LSAMP: variants seen among roughly 807,000 people sequenced by gnomAD.
LSAMP encodes limbic system associated membrane protein, also known as limbic system-associated membrane protein.
A neutral mutation model predicts 38.6 loss-of-function variants in LSAMP; 7 were observed. The ratio of observed to expected loss-of-function variants is 0.18; its 90% CI spans 0.10 to 0.34. The LOEUF (loss-of-function observed/expected upper bound fraction) is 0.34. Among genes scored for constraint, LSAMP ranks in the 10% least tolerant of loss-of-function variants. LSAMP has a pLI of 1.00. For missense variants in LSAMP, 313 were observed against 420.0 expected, an observed-to-expected ratio of 0.75 and a Z score of 2.23; for synonymous variants, 154 against 166.8, an observed-to-expected ratio of 0.92 and a Z score of 0.59.
chr3:116,272,483 C>T (rs2046987411), intron 1 of LSAMP, among the ~76,000 whole-genome samples: 1 of 152,114 alleles, frequency 6.6e-6, no homozygotes, highest in African/African-American at 2.4e-5. Flanking sequence ...AATACAACTA[C>T]TCAAATTGGT....
chr3:115,937,738 T>C (rs985069434), intron 3 of LSAMP, among the ~76,000 whole-genome samples: 11 of 152,224 alleles, frequency 7.2e-5, no homozygotes, highest in African/African-American at 2.4e-4. Context: ...ACAAACATAC[T>C]ATTCCTTTGT....
At chr3:115,815,564 A>T (rs1933991759) in intron 6 of LSAMP, among the ~76,000 whole-genome samples, 1 of 152,242 alleles carries the variant, frequency 6.6e-6, no homozygotes, top group Non-Finnish European at 1.5e-5. Flanking sequence ...ATTTTGGCAT[A>T]CAAGTTTTTA....
intron 3 of LSAMP, among the ~76,000 whole-genome samples, chr3:115,919,383 C>T (rs1232595099): frequency 6.6e-6 from 1 of 152,128 alleles, no homozygotes; most frequent in African/African-American, 2.4e-5. Flanking sequence ...CTTAATCATA[C>T]CAGCTGAGAA....
intron 3 of LSAMP, among the ~76,000 whole-genome samples, chr3:115,869,540 T>G (rs931174782): frequency 1.3e-5 from 2 of 152,116 alleles, no homozygotes; most frequent in African/African-American, 4.8e-5. Context: ...AACAATTAAT[T>G]AGTAATAAAT....
intron 1 of LSAMP, among the ~76,000 whole-genome samples, chr3:116,432,523 A>C (rs1361999395): frequency 2.0e-5 from 3 of 151,726 alleles, no homozygotes; most frequent in Non-Finnish European, 2.9e-5. Flanking sequence ...ATGTAAACAT[A>C]TTTTTAAAGT....
chr3:115,955,916 C>A (rs1938439555), intron 3 of LSAMP, among the ~76,000 whole-genome samples: 1 of 152,052 alleles, frequency 6.6e-6, no homozygotes, highest in Non-Finnish European at 1.5e-5. Context: ...TATGAATAAA[C>A]TCCCAAAGCC....
At chr3:116,192,077 T>C (rs958808410) in intron 1 of LSAMP, among the ~76,000 whole-genome samples, 1 of 152,232 alleles carries the variant, frequency 6.6e-6, no homozygotes, top group African/African-American at 2.4e-5. Context: ...AAATATTCTA[T>C]TACAGCAATG....
intron 2 of LSAMP, among the ~76,000 whole-genome samples, chr3:116,063,332 C>T (rs1559728053): frequency 1.3e-5 from 2 of 152,134 alleles, no homozygotes; most frequent in Non-Finnish European, 2.9e-5. Flanking sequence ...CTTGTTGGTA[C>T]ACCCTGAAGA....
intron 1 of LSAMP, among the ~76,000 whole-genome samples, chr3:116,363,898 C>G (rs2048320759): frequency 1.3e-5 from 1 of 79,468 alleles, no homozygotes; most frequent in Non-Finnish European, 2.2e-5. Context: ...AACCCACAGC[C>G]AATATCATAC....
At chr3:115,866,182 TATC>T (rs775818609) in intron 3 of LSAMP, among the ~76,000 whole-genome samples, 5 of 152,252 alleles carry the variant, frequency 3.3e-5, no homozygotes, top group East Asian at 1.9e-4. Flanking sequence ...TAATCAATCA[TATC>T]ATATTTGTAA....
chr3:115,916,029 C>A (rs944358451), intron 3 of LSAMP, among the ~76,000 whole-genome samples: 55 of 152,142 alleles, frequency 3.6e-4, no homozygotes, highest in African/African-American at 1.1e-3. Flanking sequence ...ACTCACTTGG[C>A]AGAGCATGAG....
intron 3 of LSAMP, among the ~76,000 whole-genome samples, chr3:115,894,318 T>A (rs1298027388): frequency 1.3e-5 from 2 of 152,008 alleles, no homozygotes; most frequent in African/African-American, 4.8e-5. Context: ...TCTATTAGCA[T>A]TTTTGTCCCT....
At chr3:116,175,456 C>T (rs1176260721) in intron 1 of LSAMP, among the ~76,000 whole-genome samples, 1 of 151,932 alleles carries the variant, frequency 6.6e-6, no homozygotes. Flanking sequence ...AGTCGTCCTA[C>T]AATGGTATAG....
chr3:116,427,573 T>C (rs1161921811), intron 1 of LSAMP, among the ~76,000 whole-genome samples: 1 of 152,206 alleles, frequency 6.6e-6, no homozygotes, highest in Non-Finnish European at 1.5e-5. Flanking sequence ...AGAACATGTA[T>C]AGATCCAGAT....
At chr3:116,303,173 C>T (rs1031385070) in intron 1 of LSAMP, among the ~76,000 whole-genome samples, 3 of 152,080 alleles carry the variant, frequency 2.0e-5, no homozygotes, top group African/African-American at 7.2e-5. Flanking sequence ...AAATAGTAAC[C>T]GAAATGTCAA....
Position 115,803,094 on chromosome 3 carries a change from G to T in LSAMP, c.*7223C>A, listed in dbSNP as rs1933552265. The T allele has an allele frequency of 6.6e-6, 1 of 151,602 alleles. No homozygotes were observed. Among genetic ancestry groups the T allele is most frequent in the African/African-American group, 2.4e-5 (1 of 40,904 alleles). 9.4% of individuals were successfully genotyped at this position (151,602 alleles called of 1,614,324 possible). A position where few individuals can be genotyped will look rare whatever the true frequency, so the allele number is the denominator to read the frequency against. ...CACTTGCAAGAAGCATATTTGTACTGTGCCTGGCTTTACATAGGGAGGATT... is the reference window on the plus strand; with the variant it reads ...CACTTGCAAGAAGCATATTTGTACTTTGCCTGGCTTTACATAGGGAGGATT... On this transcript the variant is annotated 3_prime_UTR_variant, in exon 7 of 7. Coordinates refer to ENST00000490035, the MANE Select transcript of LSAMP (RefSeq NM_002338.5).
chr3:116,407,786 G>C (rs1056984732), intron 1 of LSAMP, among the ~76,000 whole-genome samples: 1 of 152,016 alleles, frequency 6.6e-6, no homozygotes, highest in Admixed American at 6.6e-5. Flanking sequence ...ACTAAACCCA[G>C]CTTCCCATGT....
chr3:116,104,213 C>T (rs1285516732), intron 1 of LSAMP, among the ~76,000 whole-genome samples: 1 of 152,110 alleles, frequency 6.6e-6, no homozygotes, highest in Non-Finnish European at 1.5e-5. Context: ...ATCCTAATCA[C>T]CAGCTCTTAA....
At chr3:115,897,472 G>A (rs1232712383) in intron 3 of LSAMP, among the ~76,000 whole-genome samples, 1 of 152,042 alleles carries the variant, frequency 6.6e-6, no homozygotes, top group African/African-American at 2.4e-5. Flanking sequence ...GCTATGAAAT[G>A]GGAAAAGTGG....
Sources: gnomAD v4.1 joint callset for allele counts (sites outside exome capture counted in the v4.1 genomes callset) on GRCh38, gnomAD v4.1.1 for gene constraint, MANE v1.5 for transcripts, NCBI Gene and HGNC (gene_info 2026-07-23, HGNC 2026-07-21) for gene names.